CCDC178: variants seen among roughly 807,000 people sequenced by gnomAD.
The protein encoded by CCDC178 is coiled-coil domain containing 178.
A neutral mutation model predicts 117.4 loss-of-function variants in CCDC178; 126 were observed. The observed-to-expected ratio is 1.07, with a 90% CI of 0.93 to 1.24. The LOEUF (loss-of-function observed/expected upper bound fraction) is 1.24, where lower values mean the gene tolerates loss of function less well. CCDC178 is among the 50% of genes most tolerant of loss of function. The pLI is 0.00. For synonymous variants in CCDC178, 283 were observed against 313.4 expected (o/e 0.90, Z 1.02); for missense variants, 1,030 against 986.9 (o/e 1.04, Z -0.59).
At chr18:33,068,016 A>G (rs978693817) in intron 21 of CCDC178, among the ~76,000 whole-genome samples, 5 of 152,104 alleles carry the variant, frequency 3.3e-5, no homozygotes, top group Non-Finnish European at 7.4e-5. Flanking sequence ...AGAAATACAA[A>G]GGATTATTAG....
chr18:33,314,375 GGTAAA>G (rs1260908848), intron 11 of CCDC178, among the ~76,000 whole-genome samples: 3 of 152,120 alleles, frequency 2.0e-5, no homozygotes, highest in South Asian at 2.1e-4. Context: ...ACAGTCTTCG[GGTAAA>G]GTAAAGCACA....
intron 21 of CCDC178, among the ~76,000 whole-genome samples, chr18:33,007,173 G>A (rs767600447): frequency 6.6e-6 from 1 of 151,952 alleles, no homozygotes; most frequent in Non-Finnish European, 1.5e-5. Context: ...GAGGCCGTGG[G>A]AATAATCTAT....
At chr18:33,208,931 T>C (rs2059076834) in intron 20 of CCDC178, among the ~76,000 whole-genome samples, 1 of 152,058 alleles carries the variant, frequency 6.6e-6, no homozygotes, top group Non-Finnish European at 1.5e-5. Context: ...TAGTTCATTG[T>C]ATTTCTCTCA....
chr18:33,412,450 T>A (rs990524856), intron 2 of CCDC178, among the ~76,000 whole-genome samples: 1 of 137,618 alleles, frequency 7.3e-6, no homozygotes, highest in Non-Finnish European at 1.6e-5. Context: ...TCATTTCATA[T>A]AATAAAAGTT....
At chr18:33,091,324 C>CTTTTTTTTTTT (rs746505005) in intron 21 of CCDC178, among the ~76,000 whole-genome samples, 3,128 of 43,904 alleles carry the variant, frequency 0.071, 1,131 homozygotes, top group Middle Eastern at 0.12. Context: ...TTATTTCATT[C>CTTTTTTTTTTT]TTTTTTTTTT....
At chr18:33,190,110 C>A (rs1486708205) in intron 20 of CCDC178, among the ~76,000 whole-genome samples, 2 of 152,154 alleles carry the variant, frequency 1.3e-5, no homozygotes, top group East Asian at 3.9e-4. Context: ...GCAGAACTCT[C>A]CATGAGCCCC....
intron 17 of CCDC178, among the ~76,000 whole-genome samples, chr18:33,223,555 T>C (rs1233211800): frequency 6.6e-6 from 1 of 152,094 alleles, no homozygotes; most frequent in African/African-American, 2.4e-5. Context: ...TACCAAAAAG[T>C]ATGTAAAAAC....
chr18:33,362,280 C>T (rs78328390), intron 6 of CCDC178, among the ~76,000 whole-genome samples: 7,593 of 151,268 alleles, frequency 0.05, 606 homozygotes, highest in African/African-American at 0.17. Context: ...AGACATTATA[C>T]TAAAGGAAAT....
At chr18:33,290,152 C>G (rs1187806254) in intron 12 of CCDC178, among the ~76,000 whole-genome samples, 1 of 152,134 alleles carries the variant, frequency 6.6e-6, no homozygotes. Flanking sequence ...ACAATTAGCA[C>G]AGATGGCTAA....
chr18:33,022,764 C>T (rs960820396), intron 21 of CCDC178, among the ~76,000 whole-genome samples: 1 of 151,978 alleles, frequency 6.6e-6, no homozygotes, highest in African/African-American at 2.4e-5. Flanking sequence ...TGTAGATAGT[C>T]TAAGTATATC....
intron 21 of CCDC178, among the ~76,000 whole-genome samples, chr18:33,001,549 T>C (rs879744565): frequency 1.1e-4 from 17 of 151,286 alleles, no homozygotes; most frequent in Non-Finnish European, 2.1e-4. Context: ...AGCAGAAAAT[T>C]AAAACATACC....
In CCDC178 at chr18:33,316,114, G is replaced by T. The variant is rs1170462823; in HGVS notation, c.1022+7377C>A. On this transcript the variant is annotated intron_variant, in intron 11 of 22. Coordinates refer to ENST00000383096, the MANE Select transcript of CCDC178 (RefSeq NM_001105528.4). ...CTCTCAGCGCCTCCTCAGCCTTGGCGCCCACTCTGGCGGAGCTTGAGGAGC... is the reference window on the plus strand; with the variant it reads ...CTCTCAGCGCCTCCTCAGCCTTGGCTCCCACTCTGGCGGAGCTTGAGGAGC... 2.0e-5 allele frequency among the ~76,000 whole-genome samples: 3 copies of T among 152,292 alleles called. No homozygotes were observed. The South Asian group carries it at 6.2e-4, about 32-fold the overall frequency.
At chr18:33,356,441 T>C (rs1431036577) in intron 6 of CCDC178, 95 bp from the exon 7 acceptor site, 8 of 1,171,336 alleles carry the variant, frequency 6.8e-6, no homozygotes, top group Non-Finnish European at 8.1e-6. Context: ...CTACTTTACA[T>C]ATCTCTACTT....
Position 33,207,982 on chromosome 18 carries a change from G to A in CCDC178, c.2238+3914C>T, listed in dbSNP as rs569486817. Among the ~76,000 whole-genome samples, 10 of 152,022 alleles carry A rather than the reference G, an allele frequency of 6.6e-5. No homozygotes were observed. In the South Asian group the frequency reaches 1.0e-3, roughly 16 times the overall value. On this transcript the variant is annotated intron_variant, in intron 20 of 22. Transcript: ENST00000383096. Reference sequence around the variant, plus strand: ...AAGTACTTGTGATCATTGAAGCACCGGATCTGCGCAAAAACATGAGGTAAT... The same window carrying A: ...AAGTACTTGTGATCATTGAAGCACCAGATCTGCGCAAAAACATGAGGTAAT...
chr18:33,005,919 C>G (rs2055739026), intron 21 of CCDC178, among the ~76,000 whole-genome samples: 1 of 152,008 alleles, frequency 6.6e-6, no homozygotes, highest in Admixed American at 6.6e-5. Context: ...TGCCACTTTT[C>G]TAAATGATTC....
At chr18:32,959,900 T>C (rs2054672153) in intron 22 of CCDC178, among the ~76,000 whole-genome samples, 1 of 152,072 alleles carries the variant, frequency 6.6e-6, no homozygotes, top group African/African-American at 2.4e-5. Flanking sequence ...AGTCTTTTGT[T>C]GTTGTTGTTA....
chr18:33,312,555 A>T (rs1008222077), intron 11 of CCDC178, among the ~76,000 whole-genome samples: 20 of 152,180 alleles, frequency 1.3e-4, no homozygotes, highest in African/African-American at 4.6e-4. Context: ...TACTAACTCA[A>T]GGGTTGGGCC....
rs148300848 is a variant in CCDC178, at chr18:33,033,307, A to C, written c.2389-58626T>G. ...TTAAAAGAAAAAGCCTTTGAGAAAA[A>C]ATATTTCTTTTTCTCCTCATGAGTT... On this transcript the variant is annotated intron_variant, in intron 21 of 22. Coordinates refer to ENST00000383096, the MANE Select transcript of CCDC178 (RefSeq NM_001105528.4). Among the ~76,000 whole-genome samples the C allele has an allele frequency of 8.0e-3, 1,217 of 152,178 alleles. 10 individuals are homozygous for C. The highest frequency in any genetic ancestry group is 9.7e-3 in the Non-Finnish European group (659 of 67,996).
rs1235790863 is a variant in CCDC178 at position 33,360,278 on chromosome 18, A to G, written c.349-3932T>C. ...ACTTAATCAAATCCTTATATAATATATAATTATATAATATATACTACATGC... is the reference window on the plus strand; with the variant it reads ...ACTTAATCAAATCCTTATATAATATGTAATTATATAATATATACTACATGC... On this transcript the variant is annotated intron_variant, in intron 6 of 22. Coordinates refer to ENST00000383096, the MANE Select transcript of CCDC178 (RefSeq NM_001105528.4). Among the ~76,000 whole-genome samples, 3 of 150,398 alleles carry G rather than the reference A, an allele frequency of 2.0e-5. No individual in the cohort carries two copies. In the East Asian group the frequency reaches 5.8e-4, roughly 29 times the overall value.
Sources: gnomAD v4.1 joint callset for allele counts (sites outside exome capture counted in the v4.1 genomes callset) on GRCh38, gnomAD v4.1.1 for gene constraint, MANE v1.5 for transcripts, NCBI Gene and HGNC (gene_info 2026-07-23, HGNC 2026-07-21) for gene names.